GPS1: variants seen among roughly 807,000 people sequenced by gnomAD.
GPS1 encodes the protein G protein pathway suppressor 1.
GPS1 carries 11 observed loss-of-function variants against 60.0 expected under a neutral mutation model. The observed-to-expected ratio is 0.18, with a 90% confidence interval of 0.12 to 0.30. The LOEUF is 0.30. Ranked by LOEUF, GPS1 falls within the 10% of genes least tolerant of loss-of-function variation. GPS1 has a pLI of 1.00. For synonymous variants in GPS1, 343 were observed against 269.8 expected, an observed-to-expected ratio of 1.27 and a Z score of -2.66; for missense variants, 543 against 669.2, an observed-to-expected ratio of 0.81 and a Z score of 2.08.
chr17:82,052,800 G>T (rs182222025), intron 1 of GPS1: 55 of 352,096 alleles, frequency 1.6e-4, no homozygotes, highest in Non-Finnish European at 2.6e-4. Context: ...TCCCAACTCC[G>T]TGGCGTGACT....
At position 82,056,831 on chromosome 17, in the gene GPS1, C is replaced by T. The variant is rs758410261; in HGVS notation, c.1255-9C>T. 1.2e-6 allele frequency: 2 copies of T among 1,612,044 alleles called. No homozygotes were observed. The highest frequency in any genetic ancestry group is 8.5e-7 in the Non-Finnish European group (1 of 1,179,696). On this transcript the variant is annotated splice_polypyrimidine_tract_variant and intron_variant, in intron 11 of 12. Transcript: ENST00000578552. ...GAGCCTGGGCCCCGCTGAGCTTGTG[C>T]CTGCACAGATCCTATACGCCCGGGA...
At chr17:82,051,785 G>C, upstream of GPS1, 1 of 1,117,106 alleles carries the variant, frequency 9.0e-7, no homozygotes, top group Non-Finnish European at 1.1e-6. This position sits in a 1 kb window ranked among gnomAD's most constrained non-coding sequence, Gnocchi z 4.1. Context: ...CGGGACCCCC[G>C]GCGCTGCGAG....
chr17:82,053,822 GT>G, intron 2 of GPS1, 45 bp from the exon 3 acceptor site: 4 of 1,567,588 alleles, frequency 2.6e-6, no homozygotes, highest in Non-Finnish European at 3.5e-6. Context: ...TGGGGCCAGG[GT>G]CCTGCCTCCC....
chr17:82,056,646 G>A lies in GPS1; in HGVS notation c.1134G>A (p.Val378=). The change falls in exon 11 of 13, where the codon GTG becomes GTA. Residue 378 remains valine (V), a synonymous_variant. Transcript: ENST00000578552. ...RALIQYFSPY[V]SADMHRMAAA... ...CCCTGCAGTATTTCAGCCCCTACGT[G>A]TCAGCCGACATGCATAGGATGGCGG... 4 of 1,609,338 alleles carry A rather than the reference G, an allele frequency of 2.5e-6. No homozygotes were observed. The highest frequency in any genetic ancestry group is 3.4e-6 in the Non-Finnish European group (4 of 1,177,862).
At chr17:82,053,585 C>T (rs867129666) in intron 2 of GPS1, 3 of 520,026 alleles carry the variant, frequency 5.8e-6, no homozygotes, top group Middle Eastern at 4.8e-4. Context: ...GGGCAGGTCT[C>T]CTCCCCGCTC....
chr17:82,056,087 C>A lies in GPS1; in HGVS notation c.921C>A (p.Ile307=), dbSNP rs746721577. 1.2e-6 allele frequency: 2 copies of A among 1,611,610 alleles called. No individual in the cohort carries two copies. Among genetic ancestry groups the A allele is most frequent in the African/African-American group, 2.7e-5 (2 of 74,918 alleles). The stretch of plus-strand genomic sequence containing the variant: ...GGCAGGAGCTGCAGCGCAATGTCAT[C>A]TCCAGCAGGTAGGTGCCCCGGTCCT... ...FDRQELQRNV[I]SSSSFKLFLE... The change falls in exon 8 of 13, where the codon ATC becomes ATA. Residue 307 remains isoleucine, a synonymous_variant. Transcript: ENST00000578552.
At chr17:82,055,713 C>CA in intron 6 of GPS1, 27 bp from the exon 7 acceptor site, 16 of 1,491,258 alleles carry the variant, frequency 1.1e-5, no homozygotes, top group Non-Finnish European at 1.5e-5. Flanking sequence ...CCTCTCCCCC[C>CA]TCCCCGCCCC....
In GPS1 at chr17:82,056,875, C is replaced by G; in HGVS notation, c.1290C>G (p.Thr430=). The G allele has an allele frequency of 6.2e-7, 1 of 1,612,806 alleles. No individual in the cohort carries two copies. The highest frequency in any genetic ancestry group is 8.5e-7 in the Non-Finnish European group (1 of 1,179,916). ...LYARDVDQRS[T]TFEKSLLMGK... ...CCCGGGACGTGGATCAGCGCAGCAC[C>G]ACCTTTGAGAAGTCTCTGTTGATGG... Residue 430 remains threonine (T), a synonymous_variant, in exon 12 of 13, where the codon ACC becomes ACG. Transcript: ENST00000578552.
Position 82,056,684 on chromosome 17 carries a change from C to G in GPS1, c.1172C>G (p.Thr391Ser). ...CATAGGATGGCGGCAGCCTTCAATA[C>G]CACGGTGGCCGCCCTGGAGGACGAG... ...DMHRMAAAFNTTVAALEDELT... is the reference protein window; with the variant it reads ...DMHRMAAAFNSTVAALEDELT... Residue 391 changes from threonine (T) to serine (S), a missense_variant, in exon 11 of 13, where the codon ACC (threonine) becomes AGC (serine). Thr to Ser is a moderately conservative substitution (Grantham distance 58). Coordinates refer to ENST00000578552, the MANE Select transcript of GPS1 (RefSeq NM_001321092.3). 1 of 1,598,236 alleles carries G rather than the reference C, an allele frequency of 6.3e-7. No homozygotes were observed. The highest frequency in any genetic ancestry group is 8.5e-7 in the Non-Finnish European group (1 of 1,171,316).
At chr17:82,051,572 C>G, upstream of GPS1, 1 of 1,372,366 alleles carries the variant, frequency 7.3e-7, no homozygotes, top group Non-Finnish European at 9.4e-7. The surrounding 1 kb of genome is among the most constrained non-coding windows in gnomAD (Gnocchi z 4.1). Context: ...TCCGGGTGGT[C>G]TTGACGGCGA....
chr17:82,056,982 G>A lies in GPS1; in HGVS notation c.1389+8G>A. 1 of 1,612,712 alleles carries A rather than the reference G, an allele frequency of 6.2e-7. No individual in the cohort carries two copies. The highest frequency in any genetic ancestry group is 8.5e-7 in the Non-Finnish European group (1 of 1,179,828). ...AACCAGATCCATGTCAAGGTGGGCTGGCTTGAGGGGGGGCAGGCGCACGGC... is the reference window on the plus strand; with the variant it reads ...AACCAGATCCATGTCAAGGTGGGCTAGCTTGAGGGGGGGCAGGCGCACGGC... On this transcript the variant is annotated splice_region_variant and intron_variant, in intron 12 of 12. Transcript: ENST00000578552.
chr17:82,051,648 G>T, upstream of GPS1: 3 of 1,051,888 alleles, frequency 2.9e-6, no homozygotes, highest in African/African-American at 3.4e-5. This position sits in a 1 kb window ranked among gnomAD's most constrained non-coding sequence, Gnocchi z 4.1. Context: ...CGGGGCCGGG[G>T]CGGGGGTCCG....
At chr17:82,056,234 T>G in intron 8 of GPS1, 52 bp from the exon 9 acceptor site, 2 of 1,429,712 alleles carry the variant, frequency 1.4e-6, no homozygotes, top group Non-Finnish European at 2.0e-6. Flanking sequence ...CACTGGCCAC[T>G]TGGAGGGAGG....
At position 82,057,124 on chromosome 17, in the gene GPS1, G is replaced by C. The variant is rs1478081676; in HGVS notation, c.1461G>C (p.Met487Ile). ...GCCAGTCCCGGATGAGCACCAACAT[G>C]TGAGGGGTGAACCTTGGCCTCCAGG... ...ANSQSRMSTN[M>I] Residue 487 changes from methionine to isoleucine, a missense_variant, in exon 13 of 13, where the codon ATG (methionine) becomes ATC (isoleucine). By Grantham distance (10) the Met-to-Ile change is conservative. Transcript: ENST00000578552. The C allele has an allele frequency of 6.4e-7, 1 of 1,570,568 alleles. No homozygotes were observed. The highest frequency in any genetic ancestry group is 1.8e-5 in the Admixed American group (1 of 56,906).
chr17:82,053,422 GCA>G, intron 2 of GPS1, 56 bp downstream of exon 2: 1 of 1,267,948 alleles, frequency 7.9e-7, no homozygotes, highest in African/African-American at 1.5e-5. Context: ...GGGGTCCAGG[GCA>G]CACTCCCCGC....
At chr17:82,055,871 G>C (rs936342589) in intron 7 of GPS1, 46 bp downstream of exon 7, 5 of 1,507,538 alleles carry the variant, frequency 3.3e-6, no homozygotes, top group Non-Finnish European at 4.5e-6. Flanking sequence ...TGGGCTCATG[G>C]GTCAGGCTGC....
At position 82,051,905 on chromosome 17, in the gene GPS1, G is replaced by C; in HGVS notation, c.-27G>C. On this transcript the variant is annotated 5_prime_UTR_variant, in exon 1 of 13. Coordinates refer to ENST00000578552, the MANE Select transcript of GPS1 (RefSeq NM_001321092.3). The surrounding 1 kb of genome is among the most constrained non-coding windows in gnomAD (Gnocchi z 4.1). Reference sequence around the variant, plus strand: ...CGGCTTCGCTGCCCCGGAAGTGGACGGCACGCCGCGGCGGGGTGGGTGCAA... The same window carrying C: ...CGGCTTCGCTGCCCCGGAAGTGGACCGCACGCCGCGGCGGGGTGGGTGCAA... 3 of 1,160,320 alleles carry C rather than the reference G, an allele frequency of 2.6e-6. No individual in the cohort carries two copies. The highest frequency in any genetic ancestry group is 3.2e-6 in the Non-Finnish European group (3 of 941,062). 71.9% of individuals were successfully genotyped at this position (1,160,320 alleles called of 1,614,324 possible).
chr17:82,056,084 C>T lies in GPS1; in HGVS notation c.918C>T (p.Val306=), dbSNP rs1246312271. ...TFDRQELQRN[V]ISSSSFKLFL... is the part of the protein sequence containing the mutation. ...ACCGGCAGGAGCTGCAGCGCAATGTCATCTCCAGCAGGTAGGTGCCCCGGT... is the reference window on the plus strand; with the variant it reads ...ACCGGCAGGAGCTGCAGCGCAATGTTATCTCCAGCAGGTAGGTGCCCCGGT... Residue 306 remains valine, a synonymous_variant, in exon 8 of 13, where the codon GTC becomes GTT. Transcript: ENST00000578552. 6.2e-7 allele frequency: 1 copy of T among 1,611,820 alleles called. No homozygotes were observed. Among genetic ancestry groups the T allele is most frequent in the Non-Finnish European group, 8.5e-7 (1 of 1,179,362 alleles).
At position 82,057,081 on chromosome 17, in the gene GPS1, A is replaced by C. The variant is rs751524723; in HGVS notation, c.1418A>C (p.Glu473Ala). ...CCGCCCAGAGAAGGGAGCCAGGGGG[A>C]GCTGACTCCAGCCAACAGCCAGTCC... is the stretch of plus-strand genomic sequence containing the variant. The part of the protein sequence containing the change: ...KSPPREGSQG[E>A]LTPANSQSRM... The change falls in exon 13 of 13, where the codon GAG (glutamate) becomes GCG (alanine). Residue 473 changes from glutamate (E) to alanine (A), a missense_variant. By Grantham distance (107) the Glu-to-Ala change is moderately radical (BLOSUM62 -1). Coordinates refer to ENST00000578552, the MANE Select transcript of GPS1 (RefSeq NM_001321092.3). The C allele has an allele frequency of 1.3e-5, 21 of 1,580,918 alleles. No homozygotes were observed. Among genetic ancestry groups the C allele is most frequent in the Non-Finnish European group, 1.7e-6 (2 of 1,161,468 alleles).
Sources: allele counts gnomAD v4.1 joint callset, GRCh38; gene constraint gnomAD v4.1.1; non-coding constraint Gnocchi (gnomAD v3.1); transcripts MANE v1.5; gene names NCBI Gene and HGNC (gene_info 2026-07-23, HGNC 2026-07-21).